HECW2: variants seen among roughly 807,000 people sequenced by gnomAD.
HECW2 encodes E3 ubiquitin-protein ligase HECW2.
A neutral mutation model predicts 175.2 loss-of-function variants in HECW2; 61 were observed. That is an observed-to-expected ratio of 0.35 (90% CI 0.28 to 0.43). The LOEUF is 0.43. HECW2 is among the 20% of genes least tolerant of loss of function. The pLI is 1.00. For synonymous variants in HECW2, 671 were observed against 731.0 expected (o/e 0.92, Z 1.32); for missense variants, 1,524 against 2,000.5 (o/e 0.76, Z 4.54).
chr2:196,310,768 T>TGTGTGTGTGTGTGTGTG (rs1691464730), intron 10 of HECW2, among the ~76,000 whole-genome samples: 3 of 148,216 alleles, frequency 2.0e-5, no homozygotes, highest in East Asian at 2.0e-4. Context: ...AGCAACGATT[T>TGTGTGTGTGTGTGTGTG]TGTGTGTGTG....
intron 2 of HECW2, among the ~76,000 whole-genome samples, chr2:196,380,767 G>C (rs1229750834): frequency 6.6e-6 from 1 of 152,192 alleles, no homozygotes; most frequent in Non-Finnish European, 1.5e-5. Flanking sequence ...CATGGTTGCA[G>C]AGCTTCTGGT....
At chr2:196,302,271 T>C (rs560518845) in intron 13 of HECW2, among the ~76,000 whole-genome samples, 1 of 152,308 alleles carries the variant, frequency 6.6e-6, no homozygotes, top group African/African-American at 2.4e-5. Context: ...ATCAGTACCA[T>C]GTTGTTTTGG....
chr2:196,249,820 G>A (rs1688789866), intron 19 of HECW2, among the ~76,000 whole-genome samples: 1 of 152,194 alleles, frequency 6.6e-6, no homozygotes, highest in South Asian at 2.1e-4. Context: ...AACAGAGTAG[G>A]CCAGAAATAT....
At chr2:196,528,069 C>G (rs1171676368) in intron 1 of HECW2, among the ~76,000 whole-genome samples, 1 of 152,040 alleles carries the variant, frequency 6.6e-6, no homozygotes, top group Non-Finnish European at 1.5e-5. Context: ...ATAGCAGGAA[C>G]TAAAAAGATG....
At chr2:196,591,429 ATTT>A (rs1316834511) in intron 1 of HECW2, among the ~76,000 whole-genome samples, 1 of 152,226 alleles carries the variant, frequency 6.6e-6, no homozygotes, top group African/African-American at 2.4e-5. Context: ...CAGCACGATT[ATTT>A]TTAAGTTCAA....
At position 196,194,438 on chromosome 2, in the gene HECW2, T is replaced by C. The variant is rs1178600243; in HGVS notation, c.*6839A>G. On this transcript the variant is annotated 3_prime_UTR_variant, in exon 29 of 29. Transcript: ENST00000644978. Reference sequence around the variant, plus strand: ...GATGCAACATGGTTTTAAACAAAAATAGAGATCAGTATGAAAATAAAACAA... The same window carrying C: ...GATGCAACATGGTTTTAAACAAAAACAGAGATCAGTATGAAAATAAAACAA... The C allele has an allele frequency of 1.3e-5, 2 of 152,004 alleles. No homozygotes were observed. The highest frequency in any genetic ancestry group is 2.9e-5 in the Non-Finnish European group (2 of 67,966). 9.4% of individuals were successfully genotyped at this position (152,004 alleles called of 1,614,324 possible).
chr2:196,403,508 A>G (rs1694877540), intron 2 of HECW2, among the ~76,000 whole-genome samples: 1 of 152,228 alleles, frequency 6.6e-6, no homozygotes, highest in South Asian at 2.1e-4. Context: ...TTTTAAAAAG[A>G]CATTTATACT....
At chr2:196,375,361 G>A (rs899442140) in intron 2 of HECW2, among the ~76,000 whole-genome samples, 4 of 152,080 alleles carry the variant, frequency 2.6e-5, no homozygotes, top group African/African-American at 7.2e-5. Context: ...AACTCTGACT[G>A]GAAACAGACA....
chr2:196,221,202 G>A (rs200333827), intron 24 of HECW2, among the ~76,000 whole-genome samples: 1 of 152,156 alleles, frequency 6.6e-6, no homozygotes, highest in Non-Finnish European at 1.5e-5. Context: ...TTAAAATGCC[G>A]ATGAATCGGC....
At chr2:196,379,065 A>G (rs12624143) in intron 2 of HECW2, among the ~76,000 whole-genome samples, 1 of 147,454 alleles carries the variant, frequency 6.8e-6, no homozygotes, top group African/African-American at 2.6e-5. Context: ...AAGTTAAAAG[A>G]CAATACCAGT....
chr2:196,521,304 A>AAAAAAAAAAAAAAG (rs1553531650), intron 1 of HECW2, among the ~76,000 whole-genome samples: 2 of 148,168 alleles, frequency 1.3e-5, no homozygotes, highest in African/African-American at 5.1e-5. Flanking sequence ...AAAAAAAAAA[A>AAAAAAAAAAAAAAG]AAAGAAAGAA....
intron 1 of HECW2, among the ~76,000 whole-genome samples, chr2:196,576,176 A>G (rs1690556542): frequency 6.6e-6 from 1 of 152,184 alleles, no homozygotes; most frequent in African/African-American, 2.4e-5. Context: ...CCTGCTGTAC[A>G]GGTTTGTACC....
intron 10 of HECW2, 123 bp from the exon 11 acceptor site, chr2:196,308,208 A>G (rs1219515313): frequency 1.6e-6 from 1 of 633,422 alleles, no homozygotes; most frequent in African/African-American, 1.8e-5. Flanking sequence ...AATAACATAC[A>G]TCTCACTGCA....
intron 2 of HECW2, among the ~76,000 whole-genome samples, chr2:196,429,435 A>G (rs1695643778): frequency 6.6e-6 from 1 of 152,204 alleles, no homozygotes; most frequent in African/African-American, 2.4e-5. Context: ...GATGTAAGCA[A>G]TCAATTTTAT....
intron 2 of HECW2, among the ~76,000 whole-genome samples, chr2:196,387,486 G>C (rs955309953): frequency 2.6e-5 from 4 of 152,166 alleles, no homozygotes; most frequent in Non-Finnish European, 5.9e-5. Context: ...CACCGAATCT[G>C]CTGGCACCTT....
chr2:196,312,160 C>T (rs1001497963), intron 10 of HECW2, among the ~76,000 whole-genome samples: 16 of 143,260 alleles, frequency 1.1e-4, no homozygotes, highest in African/African-American at 3.6e-4. Context: ...GGCTTATGAT[C>T]GGATGAGGTG....
intron 1 of HECW2, among the ~76,000 whole-genome samples, chr2:196,469,599 T>G (rs1697113583): frequency 6.6e-6 from 1 of 152,082 alleles, no homozygotes; most frequent in Non-Finnish European, 1.5e-5. Context: ...TTTTATGATC[T>G]TGAGATAGAG....
intron 21 of HECW2, among the ~76,000 whole-genome samples, chr2:196,233,041 A>T (rs1688110686): frequency 6.6e-6 from 1 of 152,236 alleles, no homozygotes; most frequent in African/African-American, 2.4e-5. Flanking sequence ...TAGCTAACTC[A>T]GTAAAACATG....
intron 1 of HECW2, among the ~76,000 whole-genome samples, chr2:196,436,966 G>T (rs1456809556): frequency 1.3e-5 from 2 of 151,994 alleles, no homozygotes; most frequent in Non-Finnish European, 2.9e-5. Flanking sequence ...ATTTATAATG[G>T]GCTTAACCTT....
Sources: allele counts gnomAD v4.1 joint callset (sites outside exome capture counted in the v4.1 genomes callset), GRCh38; gene constraint gnomAD v4.1.1; transcripts MANE v1.5; gene names NCBI Gene and HGNC (gene_info 2026-07-23, HGNC 2026-07-21).